Variants in ABCC6 observed in about 807,000 individuals in gnomAD.
ABCC6 encodes ATP binding cassette subfamily C member 6.
A neutral mutation model predicts 169.5 loss-of-function variants in ABCC6; 126 were observed. That is an observed-to-expected ratio of 0.74 (90% confidence interval 0.64 to 0.86). The LOEUF (loss-of-function observed/expected upper bound fraction) is 0.86, where lower values mean the gene tolerates loss of function less well. ABCC6 is among the 40% of genes least tolerant of loss of function. ABCC6 has a pLI of 0.00. For synonymous variants in ABCC6, 752 were observed against 814.7 expected (o/e 0.92, Z 1.31); for missense variants, 1,733 against 1,927.2 (o/e 0.90, Z 1.89).
intron 12 of ABCC6, 83 bp from the exon 13 acceptor site, chr16:16,189,057 A>G: frequency 6.6e-7 from 1 of 1,515,936 alleles, no homozygotes; most frequent in Non-Finnish European, 9.0e-7. Flanking sequence ...TGGTGCCTGC[A>G]CGGTCCATGT....
At position 16,169,806 on chromosome 16, in the gene ABCC6, G is replaced by A. The variant is rs2856585; in HGVS notation, c.2835C>T (p.Pro945=). ...HLAYLRAVGT[P]LCLYALFLFL... ...AGAGGAAGAGTGCGTAGAGGCAGAG[G>A]GGGGTGCCCACGGCACGCAGGTAGG... Residue 945 remains proline (P), a synonymous_variant, in exon 22 of 31, where the codon CCC becomes CCT. Coordinates refer to ENST00000205557, the MANE Select transcript of ABCC6 (RefSeq NM_001171.6). The A allele has an allele frequency of 0.072, 112,514 of 1,571,388 alleles. 5,142 individuals carry two copies. Among genetic ancestry groups the A allele is most frequent in the East Asian group, 0.25 (10,597 of 42,282 alleles).
At chr16:16,166,036 A>C in intron 22 of ABCC6, 103 bp from the exon 23 acceptor site, 1 of 1,184,508 alleles carries the variant, frequency 8.4e-7, no homozygotes, top group Non-Finnish European at 1.2e-6. Context: ...TGGACATCTT[A>C]TGGCTTGGCC....
At chr16:16,206,910 G>A (rs1317813030) in intron 7 of ABCC6, among the ~76,000 whole-genome samples, 2 of 152,274 alleles carry the variant, frequency 1.3e-5, no homozygotes, top group Admixed American at 1.3e-4. Context: ...GCCAAGGCAG[G>A]CAGATCCCCT....
Position 16,184,945 on chromosome 16 carries a change from G to T in ABCC6, c.1943+14C>A, listed in dbSNP as rs1403789700. ...AAAAACATGAGGCTGGTTACTACGG[G>T]TGTCGTTCTGTACCTGTGGAGGCAG... On this transcript the variant is annotated intron_variant, in intron 15 of 30. Transcript: ENST00000205557. 1 of 1,609,014 alleles carries T rather than the reference G, an allele frequency of 6.2e-7. No individual in the cohort carries two copies.
intron 9 of ABCC6, 146 bp from the exon 10 acceptor site, chr16:16,198,328 T>C: frequency 2.5e-6 from 2 of 815,800 alleles, no homozygotes; most frequent in South Asian, 1.8e-5. Flanking sequence ...TCAGGGCTCT[T>C]TGAGGATCCA....
chr16:16,180,190 G>C (rs898563952), intron 17 of ABCC6, among the ~76,000 whole-genome samples: 2 of 152,148 alleles, frequency 1.3e-5, no homozygotes, highest in African/African-American at 4.8e-5. Context: ...CCTGCCCTCT[G>C]CCCACCTCCT....
At position 16,190,207 on chromosome 16, in the gene ABCC6, AGGAGGCCGGAGGTCC is replaced by A; in HGVS notation, c.1577_1591del (p.Arg526_Leu530del). On this transcript the variant is annotated inframe_deletion, in exon 12 of 31. Transcript: ENST00000205557. ...GAAGGACACCAGCGACACAGAGAAGAGGAGGCCGGAGGTCCGCAAGGCGCCCAGCTCCTGGCCTCG... is the reference window on the plus strand; with the variant it reads ...GAAGGACACCAGCGACACAGAGAAGAGCAAGGCGCCCAGCTCCTGGCCTCG... 1 of 1,614,010 alleles carries A rather than the reference AGGAGGCCGGAGGTCC, an allele frequency of 6.2e-7. No homozygotes were observed. Among genetic ancestry groups the A allele is most frequent in the Non-Finnish European group, 8.5e-7 (1 of 1,179,998 alleles).
At position 16,165,768 on chromosome 16, in the gene ABCC6, GTGTCTGTCTCCT is replaced by G. The variant is rs1235573595; in HGVS notation, c.3149_3160del (p.Lys1050_Asp1053del). ...TTTGTCTGGAATGTCCACGTCAACC[GTGTCTGTCTCCT>G]TGGAGAAGCGGTTTAGCAGGTGACC... On this transcript the variant is annotated inframe_deletion, in exon 23 of 31. Transcript: ENST00000205557. The G allele has an allele frequency of 6.2e-7, 1 of 1,613,680 alleles. No homozygotes were observed. Among genetic ancestry groups the G allele is most frequent in the African/African-American group, 1.3e-5 (1 of 74,942 alleles).
At chr16:16,177,970 G>T (rs1488724213) in intron 18 of ABCC6, among the ~76,000 whole-genome samples, 3 of 143,840 alleles carry the variant, frequency 2.1e-5, no homozygotes, top group Admixed American at 1.4e-4. Context: ...GAGAAGAAAA[G>T]AAAGAAGAAA....
At chr16:16,165,247 C>T (rs552181144) in intron 23 of ABCC6, among the ~76,000 whole-genome samples, 4 of 152,076 alleles carry the variant, frequency 2.6e-5, no homozygotes, top group African/African-American at 4.8e-5. Flanking sequence ...ACTTGTCCTA[C>T]AAAAATAAAT....
Position 16,157,643 on chromosome 16 carries a change from A to G in ABCC6, c.3882+20T>C. On this transcript the variant is annotated intron_variant, in intron 27 of 30. Coordinates refer to ENST00000205557, the MANE Select transcript of ABCC6 (RefSeq NM_001171.6). The stretch of plus-strand genomic sequence containing the variant: ...TTGGCCTAAACTCCATGAAGAAGAC[A>G]TTGTGAGAGAACCACTCACCTTCTC... 1 of 1,614,028 alleles carries G rather than the reference A, an allele frequency of 6.2e-7. No individual in the cohort carries two copies.
intron 11 of ABCC6, among the ~76,000 whole-genome samples, chr16:16,192,014 A>C (rs993392081): frequency 1.3e-5 from 2 of 151,924 alleles, no homozygotes; most frequent in African/African-American, 4.8e-5. Flanking sequence ...CTGTGGGGGG[A>C]AAAAAGCAAA....
Position 16,165,798 on chromosome 16 carries a change from A to C in ABCC6, c.3131T>G (p.Leu1044Arg). Reference sequence around the variant, plus strand: ...TGTCTCCTTGGAGAAGCGGTTTAGCAGGTGACCAATGGGTGTCCGCTCAAA... The same window carrying C: ...TGTCTCCTTGGAGAAGCGGTTTAGCCGGTGACCAATGGGTGTCCGCTCAAA... Reference protein sequence around the residue: ...SFFERTPIGHLLNRFSKETDT... With the variant: ...SFFERTPIGHRLNRFSKETDT... Residue 1044 changes from leucine to arginine, a missense_variant, in exon 23 of 31, where the codon CTG (leucine) becomes CGG (arginine). Transcript: ENST00000205557. 2 of 1,613,730 alleles carry C rather than the reference A, an allele frequency of 1.2e-6. No homozygotes were observed. The highest frequency in any genetic ancestry group is 1.7e-6 in the Non-Finnish European group (2 of 1,180,040).
chr16:16,180,133 A>T (rs2152254597), intron 17 of ABCC6, among the ~76,000 whole-genome samples: 1 of 152,262 alleles, frequency 6.6e-6, no homozygotes, highest in African/African-American at 2.4e-5. Flanking sequence ...TCAGGCGGTG[A>T]TGGGAACAAT....
chr16:16,217,816 G>A (rs2048933396), intron 4 of ABCC6, among the ~76,000 whole-genome samples: 1 of 151,550 alleles, frequency 6.6e-6, no homozygotes, highest in Non-Finnish European at 1.5e-5. Flanking sequence ...TCGGTCAGGC[G>A]CTGTGGCTCA....
chr16:16,164,919 A>G (rs1477619892), intron 23 of ABCC6, among the ~76,000 whole-genome samples: 2 of 152,234 alleles, frequency 1.3e-5, no homozygotes, highest in African/African-American at 4.8e-5. Context: ...CATGCCCCCA[A>G]GGAAATATAA....
Position 16,219,619 on chromosome 16 carries a change from A to G in ABCC6, c.409T>C (p.Phe137Leu), listed in dbSNP as rs1321662708. The G allele has an allele frequency of 6.9e-7, 1 of 1,450,852 alleles. No individual in the cohort carries two copies. The highest frequency in any genetic ancestry group is 1.9e-5 in the Admixed American group (1 of 51,468). The allele number at this position is 1,450,852 out of a possible 1,614,324, so 89.9% of individuals were successfully genotyped here. The change falls in exon 4 of 31, where the codon TTT becomes CTT. Residue 137 changes from phenylalanine to leucine, a missense_variant. Physicochemically the swap from Phe to Leu is conservative, Grantham distance 22. This residue lies in a region of ABCC6 where 17 missense variants were observed against 108.1 expected (regional missense o/e 0.16). Transcript: ENST00000205557. ...ACAAAGCAGAGAAGCCAGTAACCAA[A>G]CAGCACTCCAGATGACTGGACTCCC... ...KKGVQSSGVLFGYWLLCFVLP... is the reference protein window; with the variant it reads ...KKGVQSSGVLLGYWLLCFVLP...
At chr16:16,169,906 T>C in intron 21 of ABCC6, 53 bp from the exon 22 acceptor site, 1 of 1,534,456 alleles carries the variant, frequency 6.5e-7, no homozygotes. Flanking sequence ...GTGGGAGGGG[T>C]GGGTTGAGGC....
At chr16:16,162,861 G>A (rs2046762839) in intron 24 of ABCC6, 132 bp downstream of exon 24, 2 of 1,172,874 alleles carry the variant, frequency 1.7e-6, no homozygotes, top group Non-Finnish European at 1.3e-6. Context: ...CTGATAGACT[G>A]CCTGTGGGAT....
Sources: gnomAD v4.1 joint callset for allele counts (sites outside exome capture counted in the v4.1 genomes callset) on GRCh38, gnomAD v4.1.1 for gene constraint, gnomAD v4.1.1 regional missense constraint, MANE v1.5 for transcripts, NCBI Gene and HGNC (gene_info 2026-07-23, HGNC 2026-07-21) for gene names.